The following PABPC4 variants were observed in gnomAD, a reference collection of about 807,000 sequenced individuals.
PABPC4 encodes polyadenylate-binding protein 4.
Under a neutral mutation model 74.5 loss-of-function variants are expected in PABPC4, and 15 were observed. That is an observed-to-expected ratio of 0.20 (90% CI 0.13 to 0.31). PABPC4 has a LOEUF of 0.31. Among genes scored for constraint, PABPC4 ranks in the 10% least tolerant of loss-of-function variants. PABPC4 has a pLI of 1.00. For synonymous variants in PABPC4, 345 were observed against 303.0 expected, an observed-to-expected ratio of 1.14 and a Z score of -1.44; for missense variants, 610 against 853.5, an observed-to-expected ratio of 0.71 and a Z score of 3.55.
chr1:39,573,446 C>T (rs1045679323), intron 1 of PABPC4, among the ~76,000 whole-genome samples: 3 of 152,182 alleles, frequency 2.0e-5, no homozygotes, highest in Non-Finnish European at 4.4e-5. Flanking sequence ...GGTGCTCAAC[C>T]AACTTCCCCA....
At chr1:39,574,513 G>A (rs987058484) in intron 1 of PABPC4, among the ~76,000 whole-genome samples, 2 of 152,196 alleles carry the variant, frequency 1.3e-5, no homozygotes, top group African/African-American at 4.8e-5. Context: ...AGTCAGTAAG[G>A]CAGACAACAG....
chr1:39,569,035 C>G, intron 5 of PABPC4, 96 bp from the exon 6 acceptor site: 4 of 1,314,716 alleles, frequency 3.0e-6, no homozygotes, highest in Non-Finnish European at 4.2e-6. Context: ...TACTATAGGA[C>G]TAAAAACTAA....
rs746847916 is a variant in PABPC4 at position 39,569,610 on chromosome 1, G to A, written c.723C>T (p.His241=). The stretch of plus-strand genomic sequence containing the variant: ...GTATACTCACCTTATTGGCATCCTC[G>A]TGTTTTTCGTAACTCACAAAGCCAA... ...KGFGFVSYEK[H]EDANKAVEEM... is the part of the protein sequence containing the mutation. The change falls in exon 5 of 16, where the codon CAC becomes CAT. Residue 241 remains histidine, a synonymous_variant. Coordinates refer to ENST00000372858, the MANE Select transcript of PABPC4 (RefSeq NM_001135653.2). 14 of 1,613,482 alleles carry A rather than the reference G, an allele frequency of 8.7e-6. No homozygotes were observed. Among genetic ancestry groups the A allele is most frequent in the South Asian group, 6.6e-5 (6 of 91,060 alleles).
At chr1:39,563,812 C>A in intron 11 of PABPC4, 24 bp downstream of exon 11, 1 of 1,614,112 alleles carries the variant, frequency 6.2e-7, no homozygotes. Flanking sequence ...CATCTTTCCC[C>A]CTTCTGTGTG....
In PABPC4 at chr1:39,565,044, A is replaced by G. The variant is rs943827857; in HGVS notation, c.1245+62T>C. ...TAATAACGAAAAATCCCTCTCCCCA[A>G]CCACTGCAGAATACTGCCAGCCGGC... On this transcript the variant is annotated intron_variant, in intron 8 of 15. Coordinates refer to ENST00000372858, the MANE Select transcript of PABPC4 (RefSeq NM_001135653.2). The G allele has an allele frequency of 2.8e-5, 44 of 1,560,810 alleles. No homozygotes were observed. The South Asian group carries it at 3.5e-4, about 12-fold the overall frequency.
At chr1:39,561,362 C>T in intron 15 of PABPC4, 1 of 350,070 alleles carries the variant, frequency 2.9e-6, no homozygotes, top group Non-Finnish European at 5.5e-6. Flanking sequence ...ATGACTATGC[C>T]AAGTCAACCC....
chr1:39,570,260 C>T (rs895996224), intron 3 of PABPC4, among the ~76,000 whole-genome samples: 2 of 152,186 alleles, frequency 1.3e-5, no homozygotes, highest in African/African-American at 2.4e-5. Context: ...CATGAAGAAA[C>T]CTGATGGCCA....
chr1:39,561,811 A>G, intron 14 of PABPC4, 24 bp from the exon 15 acceptor site: 1 of 1,599,354 alleles, frequency 6.3e-7, no homozygotes. Flanking sequence ...TCAGGTGGTC[A>G]GTGAATCTAG....
chr1:39,575,723 G>A (rs1423154486), intron 1 of PABPC4, 36 bp downstream of exon 1: 2 of 1,484,222 alleles, frequency 1.3e-6, no homozygotes, highest in Admixed American at 2.1e-5. Context: ...GGGTCCTCCG[G>A]GCTCCCACGC....
At chr1:39,565,785 G>A (rs1218545654) in intron 7 of PABPC4, among the ~76,000 whole-genome samples, 6 of 152,072 alleles carry the variant, frequency 3.9e-5, no homozygotes, top group African/African-American at 7.2e-5. Flanking sequence ...CCGAGATCGC[G>A]CCACTGCACT....
chr1:39,564,824 TAG>T (rs1557714520), intron 8 of PABPC4, 51 bp from the exon 9 acceptor site: 1 of 1,373,778 alleles, frequency 7.3e-7, no homozygotes, highest in Admixed American at 1.7e-5. Flanking sequence ...GAACCCATCC[TAG>T]AGAAGTATCT....
At chr1:39,566,037 T>G (rs1281641623) in intron 7 of PABPC4, among the ~76,000 whole-genome samples, 2 of 152,158 alleles carry the variant, frequency 1.3e-5, no homozygotes, top group Non-Finnish European at 2.9e-5. Context: ...CCAGACCAAC[T>G]AAGTCACAAC....
Position 39,569,741 on chromosome 1 carries a change from G to A in PABPC4, c.644-52C>T, listed in dbSNP as rs769831113. ...TAACACCATCTTGAGCACAGCTCAG[G>A]AACAGAAGGCTTCCCTCTGGAAACT... On this transcript the variant is annotated intron_variant, in intron 4 of 15. Transcript: ENST00000372858. 3.2e-6 allele frequency: 5 copies of A among 1,584,308 alleles called. No homozygotes were observed. In the African/African-American group the frequency reaches 4.0e-5, roughly 13 times the overall value.
At chr1:39,574,592 G>C (rs971787439) in intron 1 of PABPC4, among the ~76,000 whole-genome samples, 5 of 152,224 alleles carry the variant, frequency 3.3e-5, no homozygotes, top group African/African-American at 1.2e-4. Context: ...GCCATGGACA[G>C]AACTCAGCTT....
intron 2 of PABPC4, among the ~76,000 whole-genome samples, chr1:39,571,912 T>C (rs1645947102): frequency 6.6e-6 from 1 of 152,154 alleles, no homozygotes; most frequent in African/African-American, 2.4e-5. Flanking sequence ...GAGATCTGGG[T>C]GCAAACCACG....
At chr1:39,565,435 C>T (rs1645821842) in intron 7 of PABPC4, 57 bp from the exon 8 acceptor site, 1 of 1,542,370 alleles carries the variant, frequency 6.5e-7, no homozygotes, top group African/African-American at 1.4e-5. Flanking sequence ...GGTGTGATGG[C>T]TTGTGCCTGT....
chr1:39,565,614 G>C (rs1439753789), intron 7 of PABPC4, among the ~76,000 whole-genome samples: 1 of 152,078 alleles, frequency 6.6e-6, no homozygotes, highest in Non-Finnish European at 1.5e-5. Context: ...TGGATCACGA[G>C]GTCAGGAATT....
In PABPC4 at chr1:39,565,389, A is replaced by T; in HGVS notation, c.973-11T>A. 6.2e-7 allele frequency: 1 copy of T among 1,603,326 alleles called. No individual in the cohort carries two copies. The highest frequency in any genetic ancestry group is 8.5e-7 in the Non-Finnish European group (1 of 1,173,284). ...ATCCTCCAGCATTACCTACAAAATG[A>T]GACCAGCTACTTAAGAAATAAGGTG... is the stretch of plus-strand genomic sequence containing the variant. On this transcript the variant is annotated splice_polypyrimidine_tract_variant and intron_variant, in intron 7 of 15. Transcript: ENST00000372858.
chr1:39,575,740 G>A lies in PABPC4; in HGVS notation c.193+19C>T. ...GTCCTCCGGGCTCCCACGCACGTGT[G>A]GGCACAGCTTCTACTCACCGTCGGC... On this transcript the variant is annotated intron_variant, in intron 1 of 15. Coordinates refer to ENST00000372858, the MANE Select transcript of PABPC4 (RefSeq NM_001135653.2). The A allele has an allele frequency of 1.3e-6, 2 of 1,556,264 alleles. No individual in the cohort carries two copies. The highest frequency in any genetic ancestry group is 2.5e-5 in the East Asian group (1 of 40,660).
Sources: allele counts gnomAD v4.1 joint callset (sites outside exome capture counted in the v4.1 genomes callset), GRCh38; gene constraint gnomAD v4.1.1; transcripts MANE v1.5; gene names NCBI Gene and HGNC (gene_info 2026-07-23, HGNC 2026-07-21).